PTCHD1: variants seen among roughly 807,000 people sequenced by gnomAD.
The protein encoded by PTCHD1 is patched domain-containing protein 1.
Under a neutral mutation model 34.6 loss-of-function variants are expected in PTCHD1, and 3 were observed. The ratio of observed to expected loss-of-function variants is 0.09; its 90% CI spans 0.04 to 0.22. The LOEUF (loss-of-function observed/expected upper bound fraction) is 0.22. Among genes scored for constraint, PTCHD1 ranks in the 10% least tolerant of loss-of-function variants. The pLI, the probability that PTCHD1 is intolerant of heterozygous loss-of-function variation, is 1.00. For synonymous variants in PTCHD1, 305 were observed against 283.1 expected, an observed-to-expected ratio of 1.08 and a Z score of -0.77; for missense variants, 504 against 685.5, an observed-to-expected ratio of 0.74 and a Z score of 2.96.
In PTCHD1 at chrX:23,399,495, G is replaced by T. The variant is rs1207244361; in HGVS notation, c.*5310G>T. 9.0e-6 allele frequency: 1 copy of T among 111,618 alleles called. No individual in the cohort carries two copies. The highest frequency in any genetic ancestry group is 1.9e-5 in the Non-Finnish European group (1 of 53,162). 9.2% of individuals were successfully genotyped at this position (111,618 alleles called of 1,213,427 possible). A position where few individuals can be genotyped will look rare whatever the true frequency, so the allele number is the denominator to read the frequency against. On this transcript the variant is annotated 3_prime_UTR_variant, in exon 3 of 3. Coordinates refer to ENST00000379361, the MANE Select transcript of PTCHD1 (RefSeq NM_173495.3). ...GACCGAAAAAGGGTGAAGAACCACT[G>T]TCCTAAATTAATACAGACCTCATTG... is the stretch of plus-strand genomic sequence containing the variant.
chrX:23,375,582 G>A (rs965549201), intron 1 of PTCHD1, among the ~76,000 whole-genome samples: 3 of 110,670 alleles, frequency 2.7e-5, no homozygotes, highest in South Asian at 3.8e-4. Flanking sequence ...CCGCCCGGCC[G>A]GGCTGACAAT....
intron 2 of PTCHD1, among the ~76,000 whole-genome samples, chrX:23,381,261 A>G (rs1432962356): frequency 1.8e-5 from 2 of 112,460 alleles, no homozygotes; most frequent in African/African-American, 6.5e-5. Context: ...AAACAAAGCC[A>G]TAGTGGCCAT....
At chrX:23,354,139 G>A (rs1353228945) in intron 1 of PTCHD1, among the ~76,000 whole-genome samples, 2 of 111,243 alleles carry the variant, frequency 1.8e-5, no homozygotes, top group Non-Finnish European at 1.9e-5. Context: ...GATTCAGGCC[G>A]AGGAAGCGGG....
intron 1 of PTCHD1, among the ~76,000 whole-genome samples, chrX:23,352,748 A>G (rs768674003): frequency 8.9e-5 from 10 of 111,988 alleles, no homozygotes; most frequent in African/African-American, 2.6e-4. Flanking sequence ...TCTCATTTCA[A>G]TGGTCTAAAA....
intron 1 of PTCHD1, among the ~76,000 whole-genome samples, chrX:23,341,545 G>T (rs1394381978): frequency 1.8e-5 from 2 of 111,610 alleles, no homozygotes; most frequent in East Asian, 2.8e-4. Context: ...GCAGACCTTT[G>T]AAGTCACCTG....
intron 1 of PTCHD1, among the ~76,000 whole-genome samples, chrX:23,347,883 G>A (rs766827425): frequency 8.6e-4 from 96 of 111,574 alleles, no homozygotes; most frequent in Non-Finnish European, 8.7e-4. Flanking sequence ...GGTGGTACAT[G>A]CCTGTAGTCC....
chrX:23,379,777 T>C lies in PTCHD1; in HGVS notation c.538T>C (p.Leu180=). The C allele has an allele frequency of 2.5e-6, 3 of 1,211,286 alleles. No individual in the cohort carries two copies. Among genetic ancestry groups the C allele is most frequent in the Admixed American group, 2.2e-5 (1 of 46,003 alleles). The change falls in exon 2 of 3, where the codon TTA becomes CTA. Residue 180 remains leucine (L), a synonymous_variant. Transcript: ENST00000379361. ...NFAITYPITH[L]KDGRAVYNGH... is the part of the protein sequence containing the mutation. ...TGCTATCACATACCCAATCACTCAC[T>C]TAAAGGACGGGAGGGCTGTGTACAA...
At position 23,402,949 on chromosome X, in the gene PTCHD1, A is replaced by G. The variant is rs1305888831; in HGVS notation, c.*8764A>G. ...TAACAGTCCAATTGTAGTAGGTGAG[A>G]AAACAAAAAAGAAGAGAAGCTATGT... On this transcript the variant is annotated 3_prime_UTR_variant, in exon 3 of 3. Coordinates refer to ENST00000379361, the MANE Select transcript of PTCHD1 (RefSeq NM_173495.3). 1 of 112,783 alleles carries G rather than the reference A, an allele frequency of 8.9e-6. No homozygotes were observed. Among genetic ancestry groups the G allele is most frequent in the Non-Finnish European group, 1.9e-5 (1 of 53,364 alleles). 9.3% of individuals were successfully genotyped at this position (112,783 alleles called of 1,213,427 possible).
At chrX:23,348,450 G>T in intron 1 of PTCHD1, among the ~76,000 whole-genome samples, 1 of 111,138 alleles carries the variant, frequency 9.0e-6, no homozygotes, top group Admixed American at 9.5e-5. Flanking sequence ...GTAGCTCAAA[G>T]AACACCAAGA....
At chrX:23,367,088 G>C (rs1601910607) in intron 1 of PTCHD1, among the ~76,000 whole-genome samples, 1 of 111,895 alleles carries the variant, frequency 8.9e-6, no homozygotes, top group East Asian at 2.8e-4. Flanking sequence ...TCAATTCTGA[G>C]AATCTGCCTG....
At position 23,389,508 on chromosome X, in the gene PTCHD1, G is replaced by A. The variant is rs139901714; in HGVS notation, c.1013-3023G>A. ...ATCCAAAGGGCTCTTGTAAGATGCT[G>A]TAGAACTCCAGTTTGGGGATTCGGG... On this transcript the variant is annotated intron_variant, in intron 2 of 2. Coordinates refer to ENST00000379361, the MANE Select transcript of PTCHD1 (RefSeq NM_173495.3). Among the ~76,000 whole-genome samples the A allele has an allele frequency of 3.5e-4, 39 of 112,192 alleles. No individual in the cohort carries two copies. In the South Asian group the frequency reaches 0.011, roughly 32 times the overall value.
chrX:23,370,419 G>A (rs1050175986), intron 1 of PTCHD1, among the ~76,000 whole-genome samples: 1 of 112,245 alleles, frequency 8.9e-6, no homozygotes, highest in Non-Finnish European at 1.9e-5. Context: ...TTCAGATCAG[G>A]AAAGGGAGGG....
intron 1 of PTCHD1, among the ~76,000 whole-genome samples, chrX:23,346,838 G>A (rs1483291223): frequency 8.9e-6 from 1 of 111,897 alleles, no homozygotes; most frequent in Non-Finnish European, 1.9e-5. Context: ...AAAATTCAGT[G>A]GGTACCAGTT....
chrX:23,380,262 C>T lies in PTCHD1; in HGVS notation c.1012+11C>T, dbSNP rs775958478. 4 of 1,199,713 alleles carry T rather than the reference C, an allele frequency of 3.3e-6. No homozygotes were observed. In the Admixed American group the frequency reaches 6.5e-5, roughly 20 times the overall value. On this transcript the variant is annotated intron_variant, in intron 2 of 2. Transcript: ENST00000379361. Reference sequence around the variant, plus strand: ...CTTTCGTCATGCTAGGTAATTACTACTCTTCTTTCTTCTGTTTCCGCCTGC... The same window carrying T: ...CTTTCGTCATGCTAGGTAATTACTATTCTTCTTTCTTCTGTTTCCGCCTGC...
chrX:23,393,652 T>C lies in PTCHD1; in HGVS notation c.2134T>C (p.Phe712Leu), dbSNP rs772440720. ...CTGCATCAGTGCTTTGTTCCTGCTC[T>C]TCTTCTCGGCATTCCTGGTGGCAGA... The part of the protein sequence containing the change: ...NSCISALFLL[F>L]FSAFLVADSL... The change falls in exon 3 of 3, where the codon TTC becomes CTC. Residue 712 changes from phenylalanine to leucine, a missense_variant. Physicochemically the swap from Phe to Leu is conservative, Grantham distance 22. Transcript: ENST00000379361. The C allele has an allele frequency of 4.1e-6, 5 of 1,212,099 alleles. No individual in the cohort carries two copies. Among genetic ancestry groups the C allele is most frequent in the East Asian group, 3.0e-5 (1 of 33,860 alleles).
rs745672569 is a variant in PTCHD1, at chrX:23,380,047, C to T, written c.808C>T (p.Arg270Cys). ...DFQKTSRVSE[R>C]YLVTSLILVV... Reference sequence around the variant, plus strand: ...CCAGAAGACCAGCCGCGTATCAGAACGTTACCTGGTCACCAGCCTGATTCT... The same window carrying T: ...CCAGAAGACCAGCCGCGTATCAGAATGTTACCTGGTCACCAGCCTGATTCT... Residue 270 changes from arginine to cysteine, a missense_variant, in exon 2 of 3, where the codon CGT becomes TGT. Coordinates refer to ENST00000379361, the MANE Select transcript of PTCHD1 (RefSeq NM_173495.3). 4 of 1,211,700 alleles carry T rather than the reference C, an allele frequency of 3.3e-6. No homozygotes were observed. Among genetic ancestry groups the T allele is most frequent in the East Asian group, 3.0e-5 (1 of 33,855 alleles).
At chrX:23,390,880 T>C (rs12852420) in intron 2 of PTCHD1, among the ~76,000 whole-genome samples, 2,322 of 112,157 alleles carry the variant, frequency 0.021, 31 homozygotes, top group Non-Finnish European at 0.033. Flanking sequence ...TTAAATTCCT[T>C]TTTAAATACA....
Position 23,398,239 on chromosome X carries a change from G to A in PTCHD1, c.*4054G>A, listed in dbSNP as rs1923039332. The A allele has an allele frequency of 8.9e-6, 1 of 111,850 alleles. No individual in the cohort carries two copies. The highest frequency in any genetic ancestry group is 1.9e-5 in the Non-Finnish European group (1 of 53,213). The allele number at this position is 111,850 out of a possible 1,213,427, so 9.2% of individuals were successfully genotyped here. On this transcript the variant is annotated 3_prime_UTR_variant, in exon 3 of 3. Coordinates refer to ENST00000379361, the MANE Select transcript of PTCHD1 (RefSeq NM_173495.3). ...ATTTGTAATTCAGCAATCTCGCACAGTAGCATTAGGGCTCGGGATGTAAAG... is the reference window on the plus strand; with the variant it reads ...ATTTGTAATTCAGCAATCTCGCACAATAGCATTAGGGCTCGGGATGTAAAG...
At chrX:23,382,901 A>C (rs1922601271) in intron 2 of PTCHD1, among the ~76,000 whole-genome samples, 1 of 112,603 alleles carries the variant, frequency 8.9e-6, no homozygotes, top group Non-Finnish European at 1.9e-5. Flanking sequence ...CATAAAGCTA[A>C]CAGTGCCTGG....
Sources: gnomAD v4.1 joint callset for allele counts (sites outside exome capture counted in the v4.1 genomes callset) on GRCh38, gnomAD v4.1.1 for gene constraint, MANE v1.5 for transcripts, NCBI Gene and HGNC (gene_info 2026-07-23, HGNC 2026-07-21) for gene names.